The following CA8 variants were observed in gnomAD, a reference collection of about 807,000 sequenced individuals.
The protein encoded by CA8 is carbonic anhydrase-related protein.
CA8 carries 22 observed loss-of-function variants against 41.4 expected under a neutral mutation model. The ratio of observed to expected loss-of-function variants is 0.53; its 90% CI spans 0.38 to 0.76. The LOEUF is 0.76. Among genes scored for constraint, CA8 ranks in the 30% least tolerant of loss-of-function variants. The pLI is 0.00. For missense variants in CA8, 270 were observed against 352.8 expected, an observed-to-expected ratio of 0.77 and a Z score of 1.88; for synonymous variants, 121 against 130.6, an observed-to-expected ratio of 0.93 and a Z score of 0.50.
chr8:60,208,533 T>C (rs1379047128), intron 8 of CA8: 2 of 543,700 alleles, frequency 3.7e-6, no homozygotes, highest in Non-Finnish European at 6.5e-6. Flanking sequence ...GCTACTCTGA[T>C]AGGAAAATAT....
rs1442282747 is a variant in CA8, at chr8:60,189,645, C to A, written c.*376G>T. 6.6e-6 allele frequency: 1 copy of A among 152,218 alleles called. No individual in the cohort carries two copies. Among genetic ancestry groups the A allele is most frequent in the Non-Finnish European group, 1.5e-5 (1 of 67,950 alleles). The allele number at this position is 152,218 out of a possible 1,614,324, so 9.4% of individuals were successfully genotyped here. A position where few individuals can be genotyped will look rare whatever the true frequency, so the allele number is the denominator to read the frequency against. The stretch of plus-strand genomic sequence containing the variant: ...ACAGGAAATGAAGAACTACTAACAC[C>A]GGGAATGTATTTTTCCTTTCTCAAT... On this transcript the variant is annotated 3_prime_UTR_variant, in exon 9 of 9. Coordinates refer to ENST00000317995, the MANE Select transcript of CA8 (RefSeq NM_004056.6).
intron 8 of CA8, among the ~76,000 whole-genome samples, chr8:60,191,338 C>T (rs1405530940): frequency 6.6e-6 from 1 of 151,932 alleles, no homozygotes; most frequent in African/African-American, 2.4e-5. Context: ...GATTATCAAA[C>T]TGTAAAATCA....
At chr8:60,236,388 A>G (rs148734634) in intron 3 of CA8, among the ~76,000 whole-genome samples, 2 of 152,290 alleles carry the variant, frequency 1.3e-5, no homozygotes, top group African/African-American at 4.8e-5. Flanking sequence ...CCAGTCCCTT[A>G]AATTAAATCC....
At chr8:60,192,043 A>G (rs1806145788) in intron 8 of CA8, among the ~76,000 whole-genome samples, 2 of 152,080 alleles carry the variant, frequency 1.3e-5, no homozygotes, top group South Asian at 4.1e-4. Flanking sequence ...TCACATGGGG[A>G]AACTCAATAC....
At chr8:60,269,610 T>C (rs1264426265) in intron 2 of CA8, among the ~76,000 whole-genome samples, 1 of 152,232 alleles carries the variant, frequency 6.6e-6, no homozygotes, top group East Asian at 1.9e-4. Context: ...TCTAAATCTA[T>C]CTAAGCTTCT....
chr8:60,241,494 T>C (rs1472337779), intron 3 of CA8, among the ~76,000 whole-genome samples: 1 of 152,230 alleles, frequency 6.6e-6, no homozygotes, highest in African/African-American at 2.4e-5. Flanking sequence ...GCTGCCTCTT[T>C]AAATGCTGAC....
intron 8 of CA8, among the ~76,000 whole-genome samples, chr8:60,200,871 G>C (rs183344990): frequency 1.4e-3 from 219 of 152,088 alleles, no homozygotes; most frequent in Non-Finnish European, 2.4e-3. Context: ...AGGTCTTCTT[G>C]TCTTTTATTA....
intron 7 of CA8, among the ~76,000 whole-genome samples, chr8:60,219,508 C>T (rs1298365167): frequency 6.6e-6 from 1 of 152,182 alleles, no homozygotes; most frequent in Non-Finnish European, 1.5e-5. Context: ...CATTAGGCCT[C>T]AGCCTCTGAA....
intron 8 of CA8, among the ~76,000 whole-genome samples, chr8:60,203,558 T>A (rs1485864573): frequency 9.9e-5 from 15 of 152,204 alleles, no homozygotes; most frequent in Admixed American, 9.8e-4. Context: ...ATTTTTAAGA[T>A]TTTTAATCAT....
chr8:60,265,952 C>T lies in CA8; in HGVS notation c.390G>A (p.Thr130=), dbSNP rs146024789. 9.9e-6 allele frequency: 16 copies of T among 1,613,966 alleles called. No individual in the cohort carries two copies. In the African/African-American group the frequency reaches 1.1e-4, roughly 11 times the overall value. Residue 130 remains threonine (T), a synonymous_variant, in exon 3 of 9, where the codon ACG becomes ACA. Transcript: ENST00000317995. ...GRENQRGSEH[T]VNFKAFPMEL... ...CCATGGGAAAAGCTTTGAAATTAAC[C>T]GTGTGCTCAGAACCACGCTGGTTTT...
chr8:60,210,004 T>C (rs189766904), intron 7 of CA8, among the ~76,000 whole-genome samples: 178 of 152,354 alleles, frequency 1.2e-3, no homozygotes, highest in Non-Finnish European at 2.2e-3. Flanking sequence ...TCAATTTAAC[T>C]ACAGGGTTCA....
rs925227014 is a variant in CA8, at chr8:60,212,162, G to A, written c.739-3243C>T. ...AGCCACTGTTCTTTGAACGACAGGT[G>A]CACTCCAATTGGTCTAAGACATTTA... On this transcript the variant is annotated intron_variant, in intron 7 of 8. Coordinates refer to ENST00000317995, the MANE Select transcript of CA8 (RefSeq NM_004056.6). 3.3e-5 allele frequency among the ~76,000 whole-genome samples: 5 copies of A among 152,266 alleles called. No individual in the cohort carries two copies. The East Asian group carries it at 9.6e-4, about 29-fold the overall frequency.
At chr8:60,232,633 TGGAG>T (rs1181983951) in intron 3 of CA8, 3 of 517,558 alleles carry the variant, frequency 5.8e-6, no homozygotes, top group African/African-American at 3.9e-5. Context: ...GGAAGACAAC[TGGAG>T]GGACTCACAG....
At chr8:60,212,125 AC>A (rs1252443874) in intron 7 of CA8, among the ~76,000 whole-genome samples, 1 of 152,222 alleles carries the variant, frequency 6.6e-6, no homozygotes, top group Non-Finnish European at 1.5e-5. Flanking sequence ...TTCTGAAGGT[AC>A]TAGATTCAAC....
chr8:60,194,231 T>C (rs1806214124), intron 8 of CA8, among the ~76,000 whole-genome samples: 1 of 152,176 alleles, frequency 6.6e-6, no homozygotes, highest in East Asian at 1.9e-4. Flanking sequence ...TATTGTCTGA[T>C]TTGGGTTCTT....
At chr8:60,278,430 G>A (rs1215482720) in intron 2 of CA8, among the ~76,000 whole-genome samples, 1 of 152,146 alleles carries the variant, frequency 6.6e-6, no homozygotes, top group Non-Finnish European at 1.5e-5. Flanking sequence ...TTTATTTCCG[G>A]AAGTTCAAAG....
intron 7 of CA8, among the ~76,000 whole-genome samples, chr8:60,220,825 A>G (rs965619922): frequency 5.9e-5 from 9 of 152,164 alleles, no homozygotes; most frequent in African/African-American, 2.2e-4. Context: ...AACAGAAAGC[A>G]AGCACAAGTG....
Position 60,266,062 on chromosome 8 carries a change from A to G in CA8, c.293-13T>C. 1.2e-6 allele frequency: 2 copies of G among 1,612,998 alleles called. No homozygotes were observed. The highest frequency in any genetic ancestry group is 1.7e-6 in the Non-Finnish European group (2 of 1,179,456). Reference sequence around the variant, plus strand: ...CCTCCCGAAAGAACTGAAAAAGAAAATATATGTTACCGAATTACAGCACAC... The same window carrying G: ...CCTCCCGAAAGAACTGAAAAAGAAAGTATATGTTACCGAATTACAGCACAC... On this transcript the variant is annotated splice_polypyrimidine_tract_variant and intron_variant, in intron 2 of 8. Coordinates refer to ENST00000317995, the MANE Select transcript of CA8 (RefSeq NM_004056.6).
chr8:60,225,734 G>GT (rs1394672815), intron 5 of CA8, among the ~76,000 whole-genome samples: 2 of 152,136 alleles, frequency 1.3e-5, no homozygotes, highest in African/African-American at 4.8e-5. Flanking sequence ...TTTCTGCTCT[G>GT]TATCTCCAGC....
Sources: allele counts gnomAD v4.1 joint callset (sites outside exome capture counted in the v4.1 genomes callset), GRCh38; gene constraint gnomAD v4.1.1; transcripts MANE v1.5; gene names NCBI Gene and HGNC (gene_info 2026-07-23, HGNC 2026-07-21).